The following ARL15 variants were observed in gnomAD, a reference collection of about 807,000 sequenced individuals.
ARL15 encodes ADP-ribosylation factor-like protein 15.
Under a neutral mutation model 25.2 loss-of-function variants are expected in ARL15, and 19 were observed. That is an observed-to-expected ratio of 0.75 (90% CI 0.53 to 1.10). The LOEUF is 1.10. Ranked by LOEUF, ARL15 falls within the 50% of genes least tolerant of loss-of-function variation. The pLI is 0.00. For synonymous variants in ARL15, 94 were observed against 86.8 expected, an observed-to-expected ratio of 1.08 and a Z score of -0.46; for missense variants, 220 against 246.0, an observed-to-expected ratio of 0.89 and a Z score of 0.71.
At chr5:54,118,451 C>T (rs1289881013) in intron 3 of ARL15, among the ~76,000 whole-genome samples, 2 of 152,022 alleles carry the variant, frequency 1.3e-5, no homozygotes, top group Non-Finnish European at 2.9e-5. Context: ...TTTATATTAA[C>T]ATGTTATGAG....
At chr5:54,240,416 A>G (rs975698633) in intron 1 of ARL15, among the ~76,000 whole-genome samples, 4 of 152,148 alleles carry the variant, frequency 2.6e-5, no homozygotes. Context: ...TTGCAGAATT[A>G]AAAAGGATCA....
At chr5:54,125,041 C>T (rs1370036237) in intron 3 of ARL15, among the ~76,000 whole-genome samples, 1 of 150,144 alleles carries the variant, frequency 6.7e-6, no homozygotes, top group African/African-American at 2.5e-5. Flanking sequence ...CAGATTCTCT[C>T]TATTGCCTTT....
chr5:53,975,952 C>T (rs1017150172), intron 4 of ARL15, among the ~76,000 whole-genome samples: 7 of 152,136 alleles, frequency 4.6e-5, no homozygotes, highest in Non-Finnish European at 8.8e-5. Context: ...GAAAGCTACC[C>T]GCTGTCACAG....
intron 3 of ARL15, among the ~76,000 whole-genome samples, chr5:54,127,549 C>T (rs528179814): frequency 0.016 from 2,491 of 151,570 alleles, 22 homozygotes; most frequent in Middle Eastern, 0.048. Context: ...ACATTCCATG[C>T]TCATGGGTAG....
At chr5:54,111,276 C>T (rs748903604) in intron 4 of ARL15, among the ~76,000 whole-genome samples, 1 of 151,948 alleles carries the variant, frequency 6.6e-6, no homozygotes, top group African/African-American at 2.4e-5. Context: ...CTCCAGTATA[C>T]ACAAGTTTAG....
At chr5:53,959,496 G>C (rs1747290889) in intron 4 of ARL15, among the ~76,000 whole-genome samples, 2 of 152,116 alleles carry the variant, frequency 1.3e-5, no homozygotes, top group Admixed American at 6.5e-5. Flanking sequence ...GAAGAGCCTA[G>C]TTTCAGGTTC....
intron 3 of ARL15, among the ~76,000 whole-genome samples, chr5:54,125,085 G>GTTTTTT (rs70986660): frequency 7.3e-6 from 1 of 136,464 alleles, no homozygotes; most frequent in Non-Finnish European, 1.6e-5. Flanking sequence ...GTTTTGTTTT[G>GTTTTTT]TTTTTTTTTT....
chr5:54,305,000 T>C (rs143540041), intron 1 of ARL15, among the ~76,000 whole-genome samples: 28 of 152,256 alleles, frequency 1.8e-4, no homozygotes, highest in African/African-American at 6.3e-4. Flanking sequence ...TGGGTTTCTA[T>C]TGTTGGTTAG....
chr5:54,081,846 C>T (rs898184609), intron 4 of ARL15, among the ~76,000 whole-genome samples: 6 of 152,032 alleles, frequency 3.9e-5, no homozygotes, highest in Non-Finnish European at 5.9e-5. Context: ...AATCCCAGCA[C>T]TTTGGTAGGT....
chr5:54,275,833 C>T (rs1389517232), intron 1 of ARL15, among the ~76,000 whole-genome samples: 2 of 150,338 alleles, frequency 1.3e-5, no homozygotes, highest in Non-Finnish European at 3.0e-5. Context: ...TACAGGCACC[C>T]GCCACCACGC....
intron 4 of ARL15, among the ~76,000 whole-genome samples, chr5:54,085,760 T>C (rs552993921): frequency 1.3e-5 from 2 of 152,284 alleles, no homozygotes; most frequent in Non-Finnish European, 2.9e-5. Flanking sequence ...GTTGCTTCCA[T>C]TGTCTTTGGC....
chr5:54,275,582 GAAC>G (rs1169936414), intron 1 of ARL15, among the ~76,000 whole-genome samples: 4 of 152,146 alleles, frequency 2.6e-5, no homozygotes, highest in African/African-American at 7.2e-5. Flanking sequence ...GGCAATGGAA[GAAC>G]AACAAGCTAG....
At chr5:53,973,047 A>G (rs1747803207) in intron 4 of ARL15, among the ~76,000 whole-genome samples, 1 of 152,216 alleles carries the variant, frequency 6.6e-6, no homozygotes, top group South Asian at 2.1e-4. Context: ...ACTGCTATAG[A>G]AAAAGCATGA....
chr5:54,062,010 G>C (rs1751079635), intron 4 of ARL15, among the ~76,000 whole-genome samples: 1 of 152,222 alleles, frequency 6.6e-6, no homozygotes, highest in Admixed American at 6.5e-5. Context: ...GTGCGACCTG[G>C]ATATGACACA....
chr5:53,933,431 G>A (rs1338786811), intron 4 of ARL15, among the ~76,000 whole-genome samples: 1 of 152,052 alleles, frequency 6.6e-6, no homozygotes, highest in African/African-American at 2.4e-5. Flanking sequence ...CGATCACGAG[G>A]TCAGGAGATC....
At chr5:54,020,749 C>T (rs532442410) in intron 4 of ARL15, among the ~76,000 whole-genome samples, 2 of 150,916 alleles carry the variant, frequency 1.3e-5, no homozygotes, top group Non-Finnish European at 2.9e-5. Flanking sequence ...GAGTTCAAGA[C>T]CAGCCTGGCC....
At chr5:54,133,461 T>C (rs1561236893) in intron 3 of ARL15, among the ~76,000 whole-genome samples, 1 of 152,150 alleles carries the variant, frequency 6.6e-6, no homozygotes, top group Non-Finnish European at 1.5e-5. Flanking sequence ...ACACAAGTAT[T>C]ATCCATGGCC....
intron 4 of ARL15, among the ~76,000 whole-genome samples, chr5:54,006,240 A>G (rs10461569): frequency 6.6e-6 from 1 of 152,022 alleles, no homozygotes; most frequent in African/African-American, 2.4e-5. Flanking sequence ...CTGAGGTGAC[A>G]TTTCCTAGAT....
At chr5:54,108,786 A>G (rs921702755) in intron 4 of ARL15, among the ~76,000 whole-genome samples, 3 of 152,064 alleles carry the variant, frequency 2.0e-5, no homozygotes, top group South Asian at 2.1e-4. Context: ...TACACAAGGT[A>G]GAAATAATCA....
Sources: gnomAD v4.1 joint callset for allele counts (sites outside exome capture counted in the v4.1 genomes callset) on GRCh38, gnomAD v4.1.1 for gene constraint, MANE v1.5 for transcripts, NCBI Gene and HGNC (gene_info 2026-07-23, HGNC 2026-07-21) for gene names.